The following SUGCT variants were observed in gnomAD, a reference collection of about 807,000 sequenced individuals.
The protein encoded by SUGCT is succinyl-CoA:glutarate-CoA transferase.
A neutral mutation model predicts 55.0 loss-of-function variants in SUGCT; 41 were observed. The ratio of observed to expected loss-of-function variants is 0.74; its 90% CI spans 0.58 to 0.97. The LOEUF is 0.97. SUGCT is among the 50% of genes least tolerant of loss of function. The pLI is 0.00. For synonymous variants in SUGCT, 187 were observed against 200.4 expected, an observed-to-expected ratio of 0.93 and a Z score of 0.56; for missense variants, 568 against 547.8, an observed-to-expected ratio of 1.04 and a Z score of -0.37.
chr7:40,495,671 G>A (rs1791933072), intron 11 of SUGCT, among the ~76,000 whole-genome samples: 1 of 152,110 alleles, frequency 6.6e-6, no homozygotes, highest in Admixed American at 6.5e-5. Flanking sequence ...TGTCTATGAA[G>A]TCCAATTTTA....
intron 9 of SUGCT, among the ~76,000 whole-genome samples, chr7:40,333,425 T>A (rs1796436709): frequency 6.6e-6 from 1 of 151,088 alleles, no homozygotes; most frequent in Non-Finnish European, 1.5e-5. Flanking sequence ...TCACTTGAGG[T>A]CAGGAGTTTG....
At chr7:40,934,772 C>T in the SUGCT span, among the ~76,000 whole-genome samples, 3 of 152,232 alleles carry the variant, frequency 2.0e-5, no homozygotes, top group African/African-American at 7.2e-5. Context: ...ATCTCCTGAT[C>T]TGCCGGTTGC....
intron 9 of SUGCT, among the ~76,000 whole-genome samples, chr7:40,402,220 G>A (rs376920756): frequency 6.6e-5 from 10 of 151,782 alleles, no homozygotes; most frequent in African/African-American, 2.4e-4. Flanking sequence ...GTTCTAGAAC[G>A]TGTGCTATTA....
At chr7:40,670,753 A>G (rs577641398) in intron 12 of SUGCT, among the ~76,000 whole-genome samples, 5 of 152,210 alleles carry the variant, frequency 3.3e-5, no homozygotes, top group African/African-American at 9.6e-5. Context: ...TAGCCTTACA[A>G]TTATTAATAA....
chr7:40,593,924 C>T, intron 12 of SUGCT, among the ~76,000 whole-genome samples: 2 of 152,036 alleles, frequency 1.3e-5, no homozygotes, highest in Non-Finnish European at 2.9e-5. Flanking sequence ...TGGAACCAAC[C>T]CAAATGTCCA....
At chr7:40,641,653 C>G (rs139144266) in intron 12 of SUGCT, among the ~76,000 whole-genome samples, 61 of 152,338 alleles carry the variant, frequency 4.0e-4, no homozygotes, top group African/African-American at 1.4e-3. Flanking sequence ...GAGCTAAGCT[C>G]TACTTTGACA....
chr7:40,441,339 C>G (rs1788503506), intron 9 of SUGCT, among the ~76,000 whole-genome samples: 1 of 152,058 alleles, frequency 6.6e-6, no homozygotes, highest in African/African-American at 2.4e-5. Flanking sequence ...CCAGGCCTTA[C>G]TGGGGTAAGG....
chr7:40,860,879 AC>A, downstream of SUGCT: 1 of 147,012 alleles, frequency 6.8e-6, no homozygotes, highest in African/African-American at 2.6e-5. Flanking sequence ...CTCTCTTGAT[AC>A]TTTCTACTTG....
At chr7:40,325,898 C>CTTTTTTT (rs71560191) in intron 9 of SUGCT, among the ~76,000 whole-genome samples, 11 of 122,194 alleles carry the variant, frequency 9.0e-5, no homozygotes, top group Admixed American at 1.8e-4. Flanking sequence ...GGATGTGCGT[C>CTTTTTTT]TTTTTTTTTT....
intron 8 of SUGCT, among the ~76,000 whole-genome samples, chr7:40,284,276 T>C (rs1478139247): frequency 2.0e-5 from 3 of 152,084 alleles, no homozygotes; most frequent in Non-Finnish European, 4.4e-5. Flanking sequence ...CGTAAGAGAT[T>C]AGATCTTAAA....
At chr7:40,374,960 A>G (rs4562217) in intron 9 of SUGCT, among the ~76,000 whole-genome samples, 144,067 of 152,128 alleles carry the variant, frequency 0.95, 68,696 homozygotes, top group East Asian at 1. Context: ...CCTCTTCCAC[A>G]AACTCTATGT....
chr7:40,139,492 C>G (rs1787874684), intron 1 of SUGCT, among the ~76,000 whole-genome samples: 1 of 152,210 alleles, frequency 6.6e-6, no homozygotes, highest in African/African-American at 2.4e-5. Flanking sequence ...GCCACTGTGC[C>G]CGGCTGATGG....
rs534522475 is a variant in SUGCT, at chr7:40,606,178, A to G, written c.1089+109792A>G. Among the ~76,000 whole-genome samples the G allele has an allele frequency of 3.3e-5, 5 of 152,320 alleles. No individual in the cohort carries two copies. The South Asian group carries it at 8.3e-4, about 25-fold the overall frequency. On this transcript the variant is annotated intron_variant, in intron 12 of 13. Coordinates refer to ENST00000335693, the MANE Select transcript of SUGCT (RefSeq NM_001193313.2). The stretch of plus-strand genomic sequence containing the variant: ...CAGAAAAGACAAAAGAAGAAGGACA[A>G]AGAGAGTGGGGCTCCTGGAGAAAGG...
chr7:40,140,515 C>T (rs1272221060), intron 1 of SUGCT, among the ~76,000 whole-genome samples: 3 of 152,144 alleles, frequency 2.0e-5, no homozygotes, highest in Non-Finnish European at 4.4e-5. Context: ...ATTGTCCTGC[C>T]TCAGACTCCT....
chr7:40,222,918 A>G (rs1365689352), intron 6 of SUGCT, among the ~76,000 whole-genome samples: 1 of 152,002 alleles, frequency 6.6e-6, no homozygotes, highest in African/African-American at 2.4e-5. Context: ...ATAAGCTACC[A>G]TGCCTGGCCA....
intron 12 of SUGCT, among the ~76,000 whole-genome samples, chr7:40,671,162 G>A (rs1801919960): frequency 6.6e-6 from 1 of 152,184 alleles, no homozygotes; most frequent in African/African-American, 2.4e-5. Flanking sequence ...AATTTGGAGA[G>A]AATTGGCACT....
intron 12 of SUGCT, among the ~76,000 whole-genome samples, chr7:40,572,876 T>TA (rs1796528899): frequency 6.6e-6 from 1 of 152,098 alleles, no homozygotes; most frequent in South Asian, 2.1e-4. Flanking sequence ...GGCATCAAAC[T>TA]TCTGTGAAAG....
intron 9 of SUGCT, among the ~76,000 whole-genome samples, chr7:40,377,114 A>C (rs1233773539): frequency 9.9e-5 from 2 of 20,104 alleles, no homozygotes; most frequent in African/African-American, 1.6e-4. Context: ...TTGGAAAGGA[A>C]ATTTTCAGCC....
chr7:40,872,576 TTACTC>T, the SUGCT span, among the ~76,000 whole-genome samples: 1 of 152,308 alleles, frequency 6.6e-6, no homozygotes, highest in Non-Finnish European at 1.5e-5. Context: ...GGGCCACAGT[TTACTC>T]TGATGAGTCA....
Sources: gnomAD v4.1 joint callset for allele counts (sites outside exome capture counted in the v4.1 genomes callset) on GRCh38, gnomAD v4.1.1 for gene constraint, MANE v1.5 for transcripts, NCBI Gene and HGNC (gene_info 2026-07-23, HGNC 2026-07-21) for gene names.